ZC3H18: variants seen among roughly 807,000 people sequenced by gnomAD.
ZC3H18 encodes the protein zinc finger CCCH domain-containing protein 18.
In ZC3H18, 8 loss-of-function variants were observed where a neutral mutation model predicts 106.1. The ratio of observed to expected loss-of-function variants is 0.08; its 90% CI spans 0.04 to 0.14. The LOEUF is 0.14. Among genes scored for constraint, ZC3H18 ranks in the 10% least tolerant of loss-of-function variants. ZC3H18 has a pLI of 1.00. For synonymous variants in ZC3H18, 635 were observed against 522.1 expected, an observed-to-expected ratio of 1.22 and a Z score of -2.95; for missense variants, 1,318 against 1,278.4, an observed-to-expected ratio of 1.03 and a Z score of -0.47.
At chr16:88,585,298 G>A (rs1358383581) in intron 2 of ZC3H18, among the ~76,000 whole-genome samples, 1 of 152,220 alleles carries the variant, frequency 6.6e-6, no homozygotes, top group Non-Finnish European at 1.5e-5. Flanking sequence ...AAATATTTAA[G>A]CTGTGAAAGT....
rs536967418 is a variant in ZC3H18 at position 88,629,465 on chromosome 16, A to C, written c.2566+611A>C. Among the ~76,000 whole-genome samples, 288 of 152,346 alleles carry C rather than the reference A, an allele frequency of 1.9e-3. 1 individual carries two copies. The highest frequency in any genetic ancestry group is 6.7e-3 in the African/African-American group (279 of 41,584). Reference sequence around the variant, plus strand: ...CACTGCAGCTTGGGCAACAAGAGCAACTGTATTTTTTTTTACACATGTGCC... The same window carrying C: ...CACTGCAGCTTGGGCAACAAGAGCACCTGTATTTTTTTTTACACATGTGCC... On this transcript the variant is annotated intron_variant, in intron 16 of 17. Transcript: ENST00000301011.
Position 88,603,789 on chromosome 16 carries a change from A to AT in ZC3H18, c.1088+3858dup, listed in dbSNP as rs58417387. Among the ~76,000 whole-genome samples the AT allele has an allele frequency of 4.4e-4, 59 of 135,476 alleles. No individual in the cohort carries two copies. The East Asian group carries it at 6.3e-3, about 15-fold the overall frequency. The allele number at this position is 135,476 out of a possible 152,430, so 88.9% of individuals were successfully genotyped here. On this transcript the variant is annotated intron_variant, in intron 6 of 17. Coordinates refer to ENST00000301011, the MANE Select transcript of ZC3H18 (RefSeq NM_144604.4). ...AGGTGCCTGCCACCATGCCCGGCTA[A>AT]TTTTTTTTTTTTTTTTTGTATTTTT...
rs532354873 is a variant in ZC3H18, at chr16:88,631,517, C to A, written c.*218C>A. ...AGAAGTCCCGCAGGACAGACAGACA[C>A]AGACAGCGCTAGTGACCAGCACGGT... On this transcript the variant is annotated 3_prime_UTR_variant, in exon 18 of 18. Coordinates refer to ENST00000301011, the MANE Select transcript of ZC3H18 (RefSeq NM_144604.4). The A allele has an allele frequency of 1.6e-5, 11 of 679,896 alleles. No individual in the cohort carries two copies. The East Asian group carries it at 2.4e-4, about 15-fold the overall frequency. The allele number at this position is 679,896 out of a possible 1,614,324, so 42.1% of individuals were successfully genotyped here.
At position 88,627,652 on chromosome 16, in the gene ZC3H18, G is replaced by A; in HGVS notation, c.2139G>A (p.Val713=). The stretch of plus-strand genomic sequence containing the variant: ...TGAGCGTGAGCAGCGTCTCCTCAGT[G>A]TCCAGTGCTACGTCGAGCAGCAGCT... ...RSLSVSSVSS[V]SSATSSSSSA... is the part of the protein sequence containing the mutation. Residue 713 remains valine (V), a synonymous_variant, in exon 14 of 18, where the codon GTG becomes GTA. Coordinates refer to ENST00000301011, the MANE Select transcript of ZC3H18 (RefSeq NM_144604.4). The surrounding 1 kb of genome is among the most constrained non-coding windows in gnomAD (Gnocchi z 4.5). 1 of 1,610,554 alleles carries A rather than the reference G, an allele frequency of 6.2e-7. No homozygotes were observed. The highest frequency in any genetic ancestry group is 8.5e-7 in the Non-Finnish European group (1 of 1,177,144).
chr16:88,630,165 T>C, intron 16 of ZC3H18: 1 of 307,852 alleles, frequency 3.2e-6, no homozygotes, highest in Non-Finnish European at 6.1e-6. Flanking sequence ...CTGCCATGTC[T>C]TTCTTGTTGT....
intron 6 of ZC3H18, among the ~76,000 whole-genome samples, chr16:88,600,763 G>T (rs1417939152): frequency 6.6e-6 from 1 of 152,224 alleles, no homozygotes; most frequent in African/African-American, 2.4e-5. Context: ...AAGTGCCTGG[G>T]TCGAAGGGTG....
In ZC3H18 at chr16:88,577,468, G is replaced by C; in HGVS notation, c.345G>C (p.Glu115Asp). 1 of 1,612,534 alleles carries C rather than the reference G, an allele frequency of 6.2e-7. No individual in the cohort carries two copies. The highest frequency in any genetic ancestry group is 8.5e-7 in the Non-Finnish European group (1 of 1,179,542). Residue 115 changes from glutamate to aspartate, a missense_variant, in exon 2 of 18, where the codon GAG becomes GAC. Transcript: ENST00000301011. ...ACCGGACAAGCGACCTTAGGGATGA[G>C]GCCTCCTCAGTCACCAGGGAGCTGG... ...EEDRTSDLRD[E>D]ASSVTRELDE...
intron 3 of ZC3H18, among the ~76,000 whole-genome samples, chr16:88,590,507 A>G (rs1257829595): frequency 6.6e-6 from 1 of 151,390 alleles, no homozygotes; most frequent in African/African-American, 2.4e-5. Context: ...AGTTCTGTCC[A>G]CAGAGGAGTA....
chr16:88,628,753 C>T lies in ZC3H18; in HGVS notation c.2470-5C>T. The T allele has an allele frequency of 6.2e-7, 1 of 1,613,912 alleles. No individual in the cohort carries two copies. The highest frequency in any genetic ancestry group is 8.5e-7 in the Non-Finnish European group (1 of 1,179,894). On this transcript the variant is annotated splice_polypyrimidine_tract_variant and splice_region_variant and intron_variant, in intron 15 of 17. Transcript: ENST00000301011. ...CTGTCCTCACTGGCCTCTCTCTTGT[C>T]CCAGGCGGCTGATAAAGGAAGCAGG...
Position 88,622,314 on chromosome 16 carries a change from G to T in ZC3H18, c.1593G>T (p.Val531=), listed in dbSNP as rs528741601. 3.7e-6 allele frequency: 6 copies of T among 1,613,842 alleles called. No homozygotes were observed. Among genetic ancestry groups the T allele is most frequent in the Non-Finnish European group, 4.2e-6 (5 of 1,179,942 alleles). The change falls in exon 9 of 18, where the codon GTG becomes GTT. Residue 531 remains valine (V), a synonymous_variant. Transcript: ENST00000301011. Reference sequence around the variant, plus strand: ...AGTCTCCCAAGAAGAAACTCGGGGTGTCGGTCTCCCCGAGCCGGGCTCGAA... The same window carrying T: ...AGTCTCCCAAGAAGAAACTCGGGGTTTCGGTCTCCCCGAGCCGGGCTCGAA... ...RSKSPKKKLG[V]SVSPSRARRR...
chr16:88,622,969 C>T, intron 9 of ZC3H18: 1 of 537,344 alleles, frequency 1.9e-6, no homozygotes, highest in Admixed American at 3.5e-5. Flanking sequence ...CCGGTAACAG[C>T]AGGCACACCC....
chr16:88,619,744 C>T (rs1323476077), intron 8 of ZC3H18, among the ~76,000 whole-genome samples: 1 of 152,192 alleles, frequency 6.6e-6, no homozygotes, highest in Non-Finnish European at 1.5e-5. Context: ...CATGCTGTTA[C>T]AGCTTCACCC....
chr16:88,586,314 A>G (rs1915427508), intron 2 of ZC3H18, among the ~76,000 whole-genome samples: 1 of 152,164 alleles, frequency 6.6e-6, no homozygotes, highest in African/African-American at 2.4e-5. Flanking sequence ...TCCTGCCCAG[A>G]GTTGATAGTT....
intron 13 of ZC3H18, 197 bp downstream of exon 13, chr16:88,625,464 A>G: frequency 1.7e-6 from 1 of 575,768 alleles, no homozygotes; most frequent in Non-Finnish European, 3.0e-6. Context: ...TGATAGGAAG[A>G]CCCCCTCCCC....
At chr16:88,617,423 A>G (rs1209476729) in intron 8 of ZC3H18, among the ~76,000 whole-genome samples, 2 of 152,212 alleles carry the variant, frequency 1.3e-5, no homozygotes, top group Admixed American at 6.5e-5. Flanking sequence ...TATCAAATGC[A>G]TCTGTAGAGC....
Position 88,630,767 on chromosome 16 carries a change from CACA to C in ZC3H18, c.2663+187_2663+189del, listed in dbSNP as rs1567602577. 2.3e-4 allele frequency among the ~76,000 whole-genome samples: 21 copies of C among 89,576 alleles called. 1 individual carries two copies. Among genetic ancestry groups the C allele is most frequent in the East Asian group, 7.6e-4 (2 of 2,624 alleles). The allele number at this position is 89,576 out of a possible 152,430, so 58.8% of individuals were successfully genotyped here. A position where few individuals can be genotyped will look rare whatever the true frequency, so the allele number is the denominator to read the frequency against. On this transcript the variant is annotated intron_variant, in intron 17 of 17. Transcript: ENST00000301011. ...CAGCCCCACCCCCCACCCCCCCCCA[CACA>C]CACACACACGCTCCTGCCCTGGTTG...
Position 88,584,681 on chromosome 16 carries a change from G to A in ZC3H18, c.604-1919G>A, listed in dbSNP as rs138951068. Among the ~76,000 whole-genome samples the A allele has an allele frequency of 3.7e-3, 562 of 152,214 alleles. 5 individuals are homozygous for A. The highest frequency in any genetic ancestry group is 0.012 in the African/African-American group (497 of 41,516). Reference sequence around the variant, plus strand: ...GTTCTTTGGGTTGAAATGATGTCTCGCACCTTCAGTATGCAACTCTGGTCT... The same window carrying A: ...GTTCTTTGGGTTGAAATGATGTCTCACACCTTCAGTATGCAACTCTGGTCT... On this transcript the variant is annotated intron_variant, in intron 2 of 17. Transcript: ENST00000301011.
At position 88,577,455 on chromosome 16, in the gene ZC3H18, A is replaced by C. The variant is rs906933809; in HGVS notation, c.332A>C (p.Asp111Ala). 6.2e-7 allele frequency: 1 copy of C among 1,611,564 alleles called. No individual in the cohort carries two copies. The highest frequency in any genetic ancestry group is 8.5e-7 in the Non-Finnish European group (1 of 1,178,904). The change falls in exon 2 of 18, where the codon GAC (aspartate) becomes GCC (alanine). Residue 111 changes from aspartate (D) to alanine (A), a missense_variant. By Grantham distance (126) the Asp-to-Ala change is moderately radical. Coordinates refer to ENST00000301011, the MANE Select transcript of ZC3H18 (RefSeq NM_144604.4). ...GDEGEEDRTS[D>A]LRDEASSVTR... is the part of the protein sequence containing the mutation. ...GAAGGGGAGGAAGACCGGACAAGCG[A>C]CCTTAGGGATGAGGCCTCCTCAGTC...
intron 6 of ZC3H18, among the ~76,000 whole-genome samples, chr16:88,607,851 C>T (rs1050678735): frequency 6.6e-6 from 1 of 152,204 alleles, no homozygotes; most frequent in Admixed American, 6.5e-5. Flanking sequence ...GTCTCTCAGG[C>T]GTCTCCCCAC....
Sources: gnomAD v4.1 joint callset for allele counts (sites outside exome capture counted in the v4.1 genomes callset) on GRCh38, gnomAD v4.1.1 for gene constraint, Gnocchi (gnomAD v3.1) non-coding constraint, MANE v1.5 for transcripts, NCBI Gene and HGNC (gene_info 2026-07-23, HGNC 2026-07-21) for gene names.